Variants in MRPL1 observed in about 807,000 individuals in gnomAD.
MRPL1 encodes large ribosomal subunit protein uL1m.
Under a neutral mutation model 38.0 loss-of-function variants are expected in MRPL1, and 28 were observed. The observed-to-expected ratio is 0.74, with a 90% CI of 0.55 to 1.01. The LOEUF is 1.01. Ranked by LOEUF, MRPL1 falls within the 50% of genes least tolerant of loss-of-function variation. MRPL1 has a pLI of 0.00. For missense variants in MRPL1, 358 were observed against 389.8 expected, an observed-to-expected ratio of 0.92 and a Z score of 0.69; for synonymous variants, 123 against 126.7, an observed-to-expected ratio of 0.97 and a Z score of 0.20.
intron 7 of MRPL1, among the ~76,000 whole-genome samples, chr4:77,912,021 G>A (rs894877186): frequency 6.6e-6 from 1 of 152,200 alleles, no homozygotes; most frequent in Non-Finnish European, 1.5e-5. Context: ...TGCAGAGAAA[G>A]CATCTGACAG....
intron 7 of MRPL1, among the ~76,000 whole-genome samples, chr4:77,945,697 A>G (rs527758817): frequency 1.1e-3 from 160 of 152,242 alleles, no homozygotes; most frequent in Non-Finnish European, 1.3e-3. Flanking sequence ...GTGATATCAC[A>G]TATCGCTAGG....
At chr4:77,938,148 T>A (rs1737032385) in intron 7 of MRPL1, among the ~76,000 whole-genome samples, 1 of 152,230 alleles carries the variant, frequency 6.6e-6, no homozygotes, top group Non-Finnish European at 1.5e-5. Context: ...TAAAGAAAGT[T>A]TTGTTAGAAT....
chr4:77,905,622 A>C (rs1736141695), intron 6 of MRPL1, among the ~76,000 whole-genome samples: 2 of 152,092 alleles, frequency 1.3e-5, no homozygotes, highest in South Asian at 4.1e-4. Context: ...ACAAGGTCAA[A>C]GGAAGGAAGT....
chr4:77,938,339 A>G (rs1290081893), intron 7 of MRPL1, among the ~76,000 whole-genome samples: 1 of 152,192 alleles, frequency 6.6e-6, no homozygotes, highest in East Asian at 1.9e-4. Context: ...TAAAACATAG[A>G]TCAGATATAC....
intron 7 of MRPL1, among the ~76,000 whole-genome samples, chr4:77,942,838 G>T (rs557751509): frequency 1.3e-5 from 2 of 152,238 alleles, no homozygotes; most frequent in East Asian, 3.9e-4. Flanking sequence ...CTGCTATTCT[G>T]TATCTTTTAA....
chr4:77,913,661 CAT>C (rs1341237563), intron 7 of MRPL1, among the ~76,000 whole-genome samples: 2 of 152,154 alleles, frequency 1.3e-5, no homozygotes, highest in Non-Finnish European at 2.9e-5. Context: ...GAAATGAAAA[CAT>C]GTGTCCATAC....
At chr4:77,909,220 C>T in intron 6 of MRPL1, 46 bp from the exon 7 acceptor site, 3 of 1,102,852 alleles carry the variant, frequency 2.7e-6, no homozygotes, top group Non-Finnish European at 4.1e-6. Flanking sequence ...GTAATTTTTA[C>T]TACTTATTTG....
At chr4:77,872,004 A>G in intron 2 of MRPL1, 149 bp downstream of exon 2, 2 of 607,598 alleles carry the variant, frequency 3.3e-6, no homozygotes, top group South Asian at 4.2e-5. Context: ...TGAAGGAAAG[A>G]TAAGACATAA....
At chr4:77,879,306 T>TGC (rs1735473901) in intron 2 of MRPL1, among the ~76,000 whole-genome samples, 1 of 152,210 alleles carries the variant, frequency 6.6e-6, no homozygotes. Context: ...TTTTTAAGAA[T>TGC]GCATTTTCCT....
At chr4:77,918,532 G>A (rs773308795) in intron 7 of MRPL1, among the ~76,000 whole-genome samples, 19 of 152,244 alleles carry the variant, frequency 1.2e-4, no homozygotes, top group Admixed American at 5.2e-4. Context: ...ACAAGCATGT[G>A]AGCTATTGCT....
chr4:77,943,193 C>G (rs1737175995), intron 7 of MRPL1, among the ~76,000 whole-genome samples: 1 of 151,778 alleles, frequency 6.6e-6, no homozygotes, highest in Non-Finnish European at 1.5e-5. Flanking sequence ...TTTAAGGAGG[C>G]TGAAGATGGG....
At chr4:77,951,371 C>A (rs1449032112) in intron 8 of MRPL1, among the ~76,000 whole-genome samples, 5 of 152,136 alleles carry the variant, frequency 3.3e-5, no homozygotes, top group Admixed American at 3.3e-4. Context: ...AAAATAAATT[C>A]TAGGTGATCA....
intron 6 of MRPL1, among the ~76,000 whole-genome samples, chr4:77,895,341 A>G (rs1168524760): frequency 6.6e-6 from 1 of 152,120 alleles, no homozygotes. Flanking sequence ...GGACTTAGCA[A>G]TTAATTGGGA....
chr4:77,923,120 G>A (rs1305795599), intron 7 of MRPL1, among the ~76,000 whole-genome samples: 2 of 152,058 alleles, frequency 1.3e-5, no homozygotes, highest in Non-Finnish European at 1.5e-5. Context: ...TTTTGAGATG[G>A]AGTCTCGCTC....
intron 1 of MRPL1, among the ~76,000 whole-genome samples, chr4:77,868,983 A>T (rs905556202): frequency 1.2e-4 from 18 of 152,224 alleles, no homozygotes; most frequent in Admixed American, 1.2e-3. Flanking sequence ...TCTTACTAAT[A>T]TAGGTGGAAA....
At chr4:77,865,245 C>G (rs1224969857) in intron 1 of MRPL1, among the ~76,000 whole-genome samples, 5 of 152,168 alleles carry the variant, frequency 3.3e-5, no homozygotes, top group Non-Finnish European at 5.9e-5. Flanking sequence ...TGGGATCACT[C>G]TTCTGAACTT....
At chr4:77,906,677 A>G (rs899902933) in intron 6 of MRPL1, among the ~76,000 whole-genome samples, 2 of 152,174 alleles carry the variant, frequency 1.3e-5, no homozygotes, top group South Asian at 2.1e-4. Context: ...GTCAGTCACT[A>G]AATAATTCTT....
At chr4:77,887,324 G>A in intron 5 of MRPL1, 33 bp downstream of exon 5, 1 of 1,498,052 alleles carries the variant, frequency 6.7e-7, no homozygotes. Context: ...ATTAAGTATA[G>A]AGATGATTCT....
intron 7 of MRPL1, among the ~76,000 whole-genome samples, chr4:77,938,137 G>A (rs1411765867): frequency 6.6e-6 from 1 of 152,152 alleles, no homozygotes; most frequent in East Asian, 1.9e-4. Context: ...ACCTGTTTTT[G>A]TAAAGAAAGT....
Sources: allele counts gnomAD v4.1 joint callset (sites outside exome capture counted in the v4.1 genomes callset), GRCh38; gene constraint gnomAD v4.1.1; transcripts MANE v1.5; gene names NCBI Gene and HGNC (gene_info 2026-07-23, HGNC 2026-07-21).